Variants in DOCK8 observed in about 807,000 individuals in gnomAD.
DOCK8 encodes the protein dedicator of cytokinesis protein 8.
Under a neutral mutation model 245.6 loss-of-function variants are expected in DOCK8, and 141 were observed. That is an observed-to-expected ratio of 0.57 (90% CI 0.50 to 0.66). DOCK8 has a LOEUF of 0.66. Ranked by LOEUF, DOCK8 falls within the 30% of genes least tolerant of loss-of-function variation. The pLI, the probability that DOCK8 is intolerant of heterozygous loss-of-function variation, is 0.00. For missense variants in DOCK8, 2,965 were observed against 2,603.4 expected (o/e 1.14, Z -3.02); for synonymous variants, 1,168 against 970.2 (o/e 1.20, Z -3.79).
upstream of DOCK8, chr9:214,679 G>A (rs117856897): frequency 1.2e-3 from 1,856 of 1,585,830 alleles, 35 homozygotes; most frequent in East Asian, 0.034. Context: ...GCGGCCCCGG[G>A]CAGAGCGCGC....
chr9:254,018 G>A (rs1167713203), intron 1 of DOCK8, among the ~76,000 whole-genome samples: 1 of 152,144 alleles, frequency 6.6e-6, no homozygotes, highest in Non-Finnish European at 1.5e-5. Context: ...CCTTGTTGAA[G>A]GTAAAAAGTA....
At chr9:211,984 ATG>A (rs2046626612), upstream of DOCK8, among the ~76,000 whole-genome samples, 1 of 152,150 alleles carries the variant, frequency 6.6e-6, no homozygotes, top group Non-Finnish European at 1.5e-5. Flanking sequence ...GAGTTTGAAG[ATG>A]TTAGAGTACA....
rs1343436598 is a variant in DOCK8 at position 403,924 on chromosome 9, ATATATG to A, written c.3235-992_3235-987del. 4.6e-3 allele frequency among the ~76,000 whole-genome samples: 369 copies of A among 79,668 alleles called. 3 individuals carry two copies. Among genetic ancestry groups the A allele is most frequent in the African/African-American group, 0.026 (346 of 13,174 alleles). 52.3% of individuals were successfully genotyped at this position (79,668 alleles called of 152,430 possible). On this transcript the variant is annotated intron_variant, in intron 26 of 47. Coordinates refer to ENST00000432829, the MANE Select transcript of DOCK8 (RefSeq NM_203447.4). ...TATATATATATATATATACATATAT[ATATATG>A]TGTATATATATATGTGTATATATAT...
At chr9:298,659 G>GTGTGTC in intron 4 of DOCK8, among the ~76,000 whole-genome samples, 1 of 151,264 alleles carries the variant, frequency 6.6e-6, no homozygotes, top group Non-Finnish European at 1.5e-5. Flanking sequence ...GTGTGTCAGA[G>GTGTGTC]AGAGAGAGAG....
At chr9:357,710 G>A (rs1329248221) in intron 14 of DOCK8, among the ~76,000 whole-genome samples, 1 of 152,168 alleles carries the variant, frequency 6.6e-6, no homozygotes, top group Non-Finnish European at 1.5e-5. Context: ...GAGGACAGGG[G>A]TTACTAAGGG....
At chr9:403,271 G>C (rs2055199644) in intron 26 of DOCK8, among the ~76,000 whole-genome samples, 1 of 152,162 alleles carries the variant, frequency 6.6e-6, no homozygotes, top group South Asian at 2.1e-4. Context: ...CCAATGTGTT[G>C]TGGGTTCAAG....
At position 365,011 on chromosome 9, in the gene DOCK8, G is replaced by A. The variant is rs574615432; in HGVS notation, c.1680-3007G>A. On this transcript the variant is annotated intron_variant, in intron 14 of 47. Coordinates refer to ENST00000432829, the MANE Select transcript of DOCK8 (RefSeq NM_203447.4). ...CCCTCTGGGGAACAGAAGGCACGAA[G>A]GAAGGAATAAGTTTGGAATGTTCTA... Among the ~76,000 whole-genome samples the A allele has an allele frequency of 1.1e-3, 175 of 152,254 alleles. 2 individuals are homozygous for A. The highest frequency in any genetic ancestry group is 4.0e-3 in the African/African-American group (167 of 41,554).
rs775027247 is a variant in DOCK8, at chr9:382,666, A to G, written c.2759A>G (p.Lys920Arg). Residue 920 changes from lysine to arginine, a missense_variant, in exon 22 of 48, where the codon AAG (lysine) becomes AGG (arginine). Lys to Arg is a conservative substitution (Grantham distance 26, BLOSUM62 2). This residue lies in a region of DOCK8 where 2,825 missense variants were observed against 2,453.5 expected (regional missense o/e 1.15). Coordinates refer to ENST00000432829, the MANE Select transcript of DOCK8 (RefSeq NM_203447.4). Reference protein sequence around the residue: ...GTHSAADEEVKNIMSSKIADR... With the variant: ...GTHSAADEEVRNIMSSKIADR... ...CACTCCGCAGCAGACGAGGAAGTGAAGAACATCATGTCTTCAAAGGTAGGA... is the reference window on the plus strand; with the variant it reads ...CACTCCGCAGCAGACGAGGAAGTGAGGAACATCATGTCTTCAAAGGTAGGA... 14 of 1,614,056 alleles carry G rather than the reference A, an allele frequency of 8.7e-6. No individual in the cohort carries two copies. Among genetic ancestry groups the G allele is most frequent in the East Asian group, 2.2e-5 (1 of 44,892 alleles).
intron 14 of DOCK8, among the ~76,000 whole-genome samples, chr9:349,078 T>C (rs936616393): frequency 1.3e-4 from 20 of 152,164 alleles, no homozygotes; most frequent in African/African-American, 4.8e-4. Context: ...AGGCAAAATA[T>C]GAGATGCTGT....
chr9:424,414 TC>T (rs1342782672), intron 33 of DOCK8, among the ~76,000 whole-genome samples: 5 of 152,022 alleles, frequency 3.3e-5, no homozygotes, highest in Admixed American at 1.3e-4. Flanking sequence ...CTTTTTTTTT[TC>T]TTTTCTTTTT....
chr9:403,395 A>G (rs1178109719), intron 26 of DOCK8, among the ~76,000 whole-genome samples: 1 of 152,214 alleles, frequency 6.6e-6, no homozygotes, highest in Non-Finnish European at 1.5e-5. Flanking sequence ...AAAGTCAGCC[A>G]GGAGTGCACA....
chr9:303,243 T>A (rs1271479468), intron 4 of DOCK8, among the ~76,000 whole-genome samples: 1 of 151,768 alleles, frequency 6.6e-6, no homozygotes, highest in African/African-American at 2.4e-5. Flanking sequence ...CTGAAAGAAC[T>A]TAAAACAGAA....
intron 44 of DOCK8, 85 bp downstream of exon 44, chr9:446,691 A>T: frequency 8.3e-7 from 1 of 1,198,394 alleles, no homozygotes; most frequent in East Asian, 2.5e-5. Flanking sequence ...TTCACAGTGG[A>T]TTGGACTGAA....
chr9:339,147 A>C (rs987122973), intron 13 of DOCK8, 48 bp downstream of exon 13: 1 of 1,472,596 alleles, frequency 6.8e-7, no homozygotes, highest in Non-Finnish European at 9.5e-7. Context: ...AAAACTGCTT[A>C]TCGTTAGACA....
chr9:393,751 C>A (rs997530100), intron 24 of DOCK8, among the ~76,000 whole-genome samples: 2 of 152,154 alleles, frequency 1.3e-5, no homozygotes, highest in African/African-American at 4.8e-5. Context: ...ATGCAGATCA[C>A]CCAAGACACC....
upstream of DOCK8, chr9:214,808 T>A (rs956940734): frequency 1.5e-5 from 24 of 1,587,594 alleles, no homozygotes; most frequent in African/African-American, 3.3e-4. Context: ...GCTCGGACCC[T>A]CCCCCGGGGT....
chr9:314,241 C>G (rs1015604298), intron 6 of DOCK8: 1 of 152,206 alleles, frequency 6.6e-6, no homozygotes, highest in Non-Finnish European at 1.5e-5. Context: ...TTTGTCAAAA[C>G]ATATTAAATC....
At chr9:390,214 A>G (rs2054128496) in intron 23 of DOCK8, among the ~76,000 whole-genome samples, 1 of 152,138 alleles carries the variant, frequency 6.6e-6, no homozygotes, top group South Asian at 2.1e-4. Flanking sequence ...TTTCACTCCC[A>G]GGCTGAGTCC....
At chr9:408,845 G>T (rs925548505) in intron 28 of DOCK8, among the ~76,000 whole-genome samples, 28 of 151,024 alleles carry the variant, frequency 1.9e-4, no homozygotes, top group African/African-American at 6.8e-4. Flanking sequence ...GTTTAATCAG[G>T]TAGATACATT....
Sources: allele counts gnomAD v4.1 joint callset (sites outside exome capture counted in the v4.1 genomes callset), GRCh38; gene constraint gnomAD v4.1.1; regional missense constraint gnomAD v4.1.1; transcripts MANE v1.5; gene names NCBI Gene and HGNC (gene_info 2026-07-23, HGNC 2026-07-21).